Variants in ZNF35 observed in about 807,000 individuals in gnomAD.
The protein encoded by ZNF35 is zinc finger protein 35.
ZNF35 carries 31 observed loss-of-function variants against 45.9 expected under a neutral mutation model. The observed-to-expected ratio is 0.68, with a 90% CI of 0.51 to 0.91. The LOEUF (loss-of-function observed/expected upper bound fraction) is 0.91, where lower values mean the gene tolerates loss of function less well. Ranked by LOEUF, ZNF35 falls within the 40% of genes least tolerant of loss-of-function variation. ZNF35 has a pLI of 0.00. For synonymous variants in ZNF35, 205 were observed against 220.2 expected (o/e 0.93, Z 0.61); for missense variants, 515 against 625.4 (o/e 0.82, Z 1.88).
chr3:44,651,726 G>A (rs1419524496), intron 2 of ZNF35, among the ~76,000 whole-genome samples: 2 of 151,900 alleles, frequency 1.3e-5, no homozygotes, highest in East Asian at 3.9e-4. Flanking sequence ...TCAGCTACTT[G>A]GGAGGCTGAG....
Position 44,654,300 on chromosome 3 carries a change from C to T in ZNF35, c.337+1599C>T, listed in dbSNP as rs114771854. Among the ~76,000 whole-genome samples the T allele has an allele frequency of 3.4e-3, 517 of 152,262 alleles. 2 individuals are homozygous for T. The highest frequency in any genetic ancestry group is 0.011 in the South Asian group (51 of 4,818). ...CTATTTCCATGGCGATGTCAGCAGG[C>T]GATGGTGGGAACACTGAGCTCTATG... is the stretch of plus-strand genomic sequence containing the variant. On this transcript the variant is annotated intron_variant, in intron 3 of 3. Coordinates refer to ENST00000396056, the MANE Select transcript of ZNF35 (RefSeq NM_003420.4).
At chr3:44,653,022 G>A (rs1703232588) in intron 3 of ZNF35, among the ~76,000 whole-genome samples, 1 of 152,196 alleles carries the variant, frequency 6.6e-6, no homozygotes, top group South Asian at 2.1e-4. Flanking sequence ...AGGTGTTTAT[G>A]TACAGGGTAG....
intron 3 of ZNF35, among the ~76,000 whole-genome samples, chr3:44,653,074 G>T (rs1029788600): frequency 2.0e-5 from 3 of 152,186 alleles, no homozygotes; most frequent in Non-Finnish European, 4.4e-5. Context: ...GAACCACATG[G>T]CCCAGTGGCA....
rs1403920186 is a variant in ZNF35 at position 44,652,546 on chromosome 3, C to G, written c.193-11C>G. ...CAGTTCCCTCTTAAACATGTGCCTG[C>G]TTGTCTCTAGGGTCAGAACATATCC... On this transcript the variant is annotated splice_polypyrimidine_tract_variant and intron_variant, in intron 2 of 3. Transcript: ENST00000396056. 7 of 1,561,098 alleles carry G rather than the reference C, an allele frequency of 4.5e-6. No homozygotes were observed. Among genetic ancestry groups the G allele is most frequent in the Non-Finnish European group, 6.1e-6 (7 of 1,154,290 alleles).
intron 3 of ZNF35, 63 bp from the exon 4 acceptor site, chr3:44,658,638 T>C: frequency 6.7e-7 from 1 of 1,502,468 alleles, no homozygotes; most frequent in Non-Finnish European, 8.9e-7. Context: ...TATGACTTGA[T>C]GATCCTATTC....
intron 1 of ZNF35, among the ~76,000 whole-genome samples, chr3:44,649,289 G>A (rs1454341640): frequency 6.6e-6 from 1 of 152,150 alleles, no homozygotes. Flanking sequence ...GATTGAATTC[G>A]GATAGTGATG....
rs117425891 is a variant in ZNF35, at chr3:44,649,907, C to T, written c.-127-1034C>T. 5.9e-4 allele frequency among the ~76,000 whole-genome samples: 90 copies of T among 152,038 alleles called. No homozygotes were observed. In the East Asian group the frequency reaches 0.011, roughly 18 times the overall value. ...AGATTGTTAAGACTATTGTGAAATA[C>T]GGAAATTGAGTTAAAAAACAATGCA... is the stretch of plus-strand genomic sequence containing the variant. On this transcript the variant is annotated intron_variant, in intron 1 of 3. Coordinates refer to ENST00000396056, the MANE Select transcript of ZNF35 (RefSeq NM_003420.4).
At position 44,659,376 on chromosome 3, in the gene ZNF35, A is replaced by G. The variant is rs1703363480; in HGVS notation, c.1013A>G (p.Glu338Gly). 1 of 1,613,744 alleles carries G rather than the reference A, an allele frequency of 6.2e-7. No homozygotes were observed. ...HITEKCYECN[E>G]CGKTFTRSSN... Reference sequence around the variant, plus strand: ...ACGGAAAAATGCTATGAATGTAATGAATGTGGGAAAACATTTACTAGGAGC... The same window carrying G: ...ACGGAAAAATGCTATGAATGTAATGGATGTGGGAAAACATTTACTAGGAGC... Residue 338 changes from glutamate (E) to glycine (G), a missense_variant, in exon 4 of 4, where the codon GAA becomes GGA. Around this residue, in one of 3 missense-constraint regions of ZNF35, gnomAD observed 232 missense variants for 304.6 expected, o/e 0.76. Transcript: ENST00000396056. The surrounding 1 kb of genome is among the most constrained non-coding windows in gnomAD (Gnocchi z 4.3).
At chr3:44,646,691 A>G (rs1311530608), upstream of ZNF35, 9 of 560,510 alleles carry the variant, frequency 1.6e-5, no homozygotes, top group East Asian at 2.9e-5. Flanking sequence ...GCTTTTGTGT[A>G]TGTATGAAAA....
chr3:44,658,949 T>G lies in ZNF35; in HGVS notation c.586T>G (p.Cys196Gly), dbSNP rs767819466. 3.7e-6 allele frequency: 6 copies of G among 1,613,922 alleles called. No homozygotes were observed. Among genetic ancestry groups the G allele is most frequent in the Non-Finnish European group, 5.1e-6 (6 of 1,179,986 alleles). Residue 196 changes from cysteine (C) to glycine (G), a missense_variant, in exon 4 of 4, where the codon TGT becomes GGT. Around this residue, in one of 3 missense-constraint regions of ZNF35, gnomAD observed 275 missense variants for 295.7 expected, o/e 0.93. Coordinates refer to ENST00000396056, the MANE Select transcript of ZNF35 (RefSeq NM_003420.4). ...ESFKEEENQKCKKSGGKYSLN... is the reference protein window; with the variant it reads ...ESFKEEENQKGKKSGGKYSLN... Reference sequence around the variant, plus strand: ...CTTCAAAGAAGAGGAAAACCAGAAATGTAAGAAATCTGGAGGAAAATATAG... The same window carrying G: ...CTTCAAAGAAGAGGAAAACCAGAAAGGTAAGAAATCTGGAGGAAAATATAG...
chr3:44,650,784 C>T (rs1451542924), intron 1 of ZNF35, among the ~76,000 whole-genome samples, 157 bp from the exon 2 acceptor site: 1 of 152,226 alleles, frequency 6.6e-6, no homozygotes, highest in South Asian at 2.1e-4. Context: ...TATAGTCCAA[C>T]CCCTTCATCC....
At chr3:44,646,718 A>G (rs890475333), upstream of ZNF35, 23 of 532,784 alleles carry the variant, frequency 4.3e-5, no homozygotes, top group African/African-American at 2.7e-4. Flanking sequence ...TATGAAAGGT[A>G]TAAAACATGG....
intron 3 of ZNF35, 103 bp from the exon 4 acceptor site, chr3:44,658,598 G>T: frequency 7.9e-7 from 1 of 1,261,184 alleles, no homozygotes; most frequent in Non-Finnish European, 1.1e-6. Context: ...AAGCCATTTT[G>T]TGGAGGTGCT....
At chr3:44,647,908 A>T (rs1703050996), upstream of ZNF35, 1 of 152,188 alleles carries the variant, frequency 6.6e-6, no homozygotes, top group Admixed American at 6.5e-5. Flanking sequence ...GGTTACACAA[A>T]TCTATAGGTG....
intron 1 of ZNF35, among the ~76,000 whole-genome samples, chr3:44,649,108 A>C (rs1703119759): frequency 6.6e-6 from 1 of 152,204 alleles, no homozygotes; most frequent in African/African-American, 2.4e-5. Context: ...GAAAGAATGG[A>C]TTGCCACGTT....
In ZNF35 at chr3:44,658,880, G is replaced by T; in HGVS notation, c.517G>T (p.Asp173Tyr). 6.2e-7 allele frequency: 1 copy of T among 1,612,308 alleles called. No individual in the cohort carries two copies. The highest frequency in any genetic ancestry group is 8.5e-7 in the Non-Finnish European group (1 of 1,179,642). ...GCAGAGAATAAAGAGAGAAAAGAAA[G>T]ATTTCAGACAAGTGATAGTGAATGA... The part of the protein sequence containing the change: ...KRQRIKREKK[D>Y]FRQVIVNDCH... The change falls in exon 4 of 4, where the codon GAT (aspartate) becomes TAT (tyrosine). Residue 173 changes from aspartate to tyrosine, a missense_variant. By Grantham distance (160) the Asp-to-Tyr change is radical (BLOSUM62 -3). Around this residue, in one of 3 missense-constraint regions of ZNF35, gnomAD observed 275 missense variants for 295.7 expected, o/e 0.93. Transcript: ENST00000396056.
In ZNF35 at chr3:44,658,759, T is replaced by C. The variant is rs1406062070; in HGVS notation, c.396T>C (p.Ala132=). Residue 132 remains alanine (A), a synonymous_variant, in exon 4 of 4, where the codon GCT becomes GCC. Coordinates refer to ENST00000396056, the MANE Select transcript of ZNF35 (RefSeq NM_003420.4). ...LVPKTEICEE[A]EKPLIISERI... is the part of the protein sequence containing the mutation. ...CAAAAACTGAGATATGTGAGGAAGC[T>C]GAAAAACCCCTCATCATATCAGAAA... 9.4e-6 allele frequency: 15 copies of C among 1,593,376 alleles called. No homozygotes were observed. The highest frequency in any genetic ancestry group is 1.3e-5 in the Non-Finnish European group (15 of 1,175,306).
chr3:44,649,189 C>T (rs1703123875), intron 1 of ZNF35, among the ~76,000 whole-genome samples: 2 of 152,144 alleles, frequency 1.3e-5, no homozygotes, highest in Non-Finnish European at 1.5e-5. Flanking sequence ...ACCGGAGGTC[C>T]GTCAGAATCT....
chr3:44,650,370 T>A (rs897463107), intron 1 of ZNF35, among the ~76,000 whole-genome samples: 2 of 152,234 alleles, frequency 1.3e-5, no homozygotes, highest in Admixed American at 6.5e-5. Flanking sequence ...AACTACCCAC[T>A]GCTAACACGT....
Sources: allele counts gnomAD v4.1 joint callset (sites outside exome capture counted in the v4.1 genomes callset), GRCh38; gene constraint gnomAD v4.1.1; regional missense constraint gnomAD v4.1.1; non-coding constraint Gnocchi (gnomAD v3.1); transcripts MANE v1.5; gene names NCBI Gene and HGNC (gene_info 2026-07-23, HGNC 2026-07-21).